The following SH3RF1 variants were observed in gnomAD, a reference collection of about 807,000 sequenced individuals.
SH3RF1 encodes E3 ubiquitin-protein ligase SH3RF1.
Under a neutral mutation model 74.0 loss-of-function variants are expected in SH3RF1, and 32 were observed. That is an observed-to-expected ratio of 0.43 (90% confidence interval 0.33 to 0.58). The LOEUF is 0.58. Among genes scored for constraint, SH3RF1 ranks in the 20% least tolerant of loss-of-function variants. The probability of loss-of-function intolerance (pLI) is 0.05; values close to 1 mark genes in which losing one functional copy is unlikely to be tolerated. For synonymous variants in SH3RF1, 396 were observed against 439.6 expected, an observed-to-expected ratio of 0.90 and a Z score of 1.24; for missense variants, 954 against 1,130.9, an observed-to-expected ratio of 0.84 and a Z score of 2.24.
At chr4:169,098,768 G>C (rs905245359) in intron 11 of SH3RF1, among the ~76,000 whole-genome samples, 2 of 152,210 alleles carry the variant, frequency 1.3e-5, no homozygotes. Context: ...AGGTCAGTTA[G>C]AGCAGCTTAA....
chr4:169,105,691 C>A (rs996915930), intron 11 of SH3RF1, among the ~76,000 whole-genome samples: 5 of 152,094 alleles, frequency 3.3e-5, no homozygotes, highest in African/African-American at 1.2e-4. Flanking sequence ...TTCAGGAGTT[C>A]AAGACTAGCC....
chr4:169,183,803 C>T (rs1049785326), intron 2 of SH3RF1, among the ~76,000 whole-genome samples: 2 of 150,278 alleles, frequency 1.3e-5, no homozygotes, highest in Non-Finnish European at 3.0e-5. Context: ...AAAAAAAAGT[C>T]AACAAGAAGC....
intron 4 of SH3RF1, among the ~76,000 whole-genome samples, chr4:169,148,834 C>T (rs1733932851): frequency 6.6e-6 from 1 of 152,126 alleles, no homozygotes; most frequent in Admixed American, 6.5e-5. Context: ...GCTTTCTATA[C>T]AGACAAAGAA....
At chr4:169,160,179 A>T (rs946705943) in intron 2 of SH3RF1, among the ~76,000 whole-genome samples, 1 of 152,194 alleles carries the variant, frequency 6.6e-6, no homozygotes, top group African/African-American at 2.4e-5. Flanking sequence ...CCCATGCACC[A>T]AGATACAGAT....
intron 2 of SH3RF1, among the ~76,000 whole-genome samples, chr4:169,160,979 T>C (rs1734141105): frequency 6.6e-6 from 1 of 152,216 alleles, no homozygotes; most frequent in Non-Finnish European, 1.5e-5. Flanking sequence ...CTGAGAGTCA[T>C]GTCATCACTG....
chr4:169,106,105 T>TTTATTA (rs1202874696), intron 11 of SH3RF1, among the ~76,000 whole-genome samples: 2 of 150,676 alleles, frequency 1.3e-5, no homozygotes, highest in Non-Finnish European at 3.0e-5. Context: ...TGTATATATA[T>TTTATTA]TTATTATTAT....
intron 2 of SH3RF1, among the ~76,000 whole-genome samples, chr4:169,214,811 C>CT (rs1366520130): frequency 6.6e-6 from 1 of 152,118 alleles, no homozygotes; most frequent in African/African-American, 2.4e-5. Context: ...TTGTATCCTT[C>CT]AACCTTGCTA....
chr4:169,255,266 C>G (rs1488684804), intron 2 of SH3RF1, among the ~76,000 whole-genome samples: 1 of 152,028 alleles, frequency 6.6e-6, no homozygotes, highest in Non-Finnish European at 1.5e-5. Context: ...AATAGAAACT[C>G]CATTAAAAAA....
chr4:169,199,926 T>C (rs1734881853), intron 2 of SH3RF1, among the ~76,000 whole-genome samples: 1 of 152,134 alleles, frequency 6.6e-6, no homozygotes, highest in Non-Finnish European at 1.5e-5. Flanking sequence ...AGCAGTATGC[T>C]CTTTATAAGA....
intron 10 of SH3RF1, among the ~76,000 whole-genome samples, chr4:169,109,366 C>T (rs1169524332): frequency 6.6e-6 from 1 of 152,220 alleles, no homozygotes; most frequent in Non-Finnish European, 1.5e-5. Context: ...AGAAAGATGA[C>T]TTAATTCATC....
intron 2 of SH3RF1, among the ~76,000 whole-genome samples, chr4:169,244,168 T>C (rs1730957345): frequency 6.6e-6 from 1 of 152,252 alleles, no homozygotes; most frequent in South Asian, 2.1e-4. Context: ...GACATTTATT[T>C]CAATCTGTCT....
intron 2 of SH3RF1, among the ~76,000 whole-genome samples, chr4:169,208,680 T>C (rs1008735797): frequency 3.3e-5 from 5 of 152,056 alleles, no homozygotes; most frequent in African/African-American, 1.2e-4. Flanking sequence ...ACATCTAGTC[T>C]GAAGCTGCAT....
intron 2 of SH3RF1, among the ~76,000 whole-genome samples, chr4:169,200,603 T>G (rs575952677): frequency 2.0e-5 from 3 of 152,328 alleles, no homozygotes; most frequent in South Asian, 4.1e-4. Context: ...AACTTACATA[T>G]ACCTTACATA....
At chr4:169,252,621 C>T (rs1004296228) in intron 2 of SH3RF1, among the ~76,000 whole-genome samples, 1 of 152,204 alleles carries the variant, frequency 6.6e-6, no homozygotes, top group Admixed American at 6.5e-5. Flanking sequence ...CAATTTTTGC[C>T]TCAATCTATC....
At chr4:169,219,258 A>T (rs1730522557) in intron 2 of SH3RF1, among the ~76,000 whole-genome samples, 1 of 152,166 alleles carries the variant, frequency 6.6e-6, no homozygotes. Context: ...GGCAACCCTA[A>T]ATCATCAGGA....
chr4:169,147,467 G>A (rs1733912389), intron 4 of SH3RF1, among the ~76,000 whole-genome samples: 1 of 152,186 alleles, frequency 6.6e-6, no homozygotes, highest in Non-Finnish European at 1.5e-5. Flanking sequence ...ACGTGTGGAT[G>A]TGCATGGGGG....
At chr4:169,112,843 C>T (rs72706430) in intron 10 of SH3RF1, among the ~76,000 whole-genome samples, 14,535 of 152,154 alleles carry the variant, frequency 0.096, 916 homozygotes, top group South Asian at 0.17. Context: ...GACACAGACC[C>T]GCTGTGGAGG....
At chr4:169,269,473 T>C (rs187278087) in intron 1 of SH3RF1, among the ~76,000 whole-genome samples, 166 bp from the exon 2 acceptor site, 1 of 152,266 alleles carries the variant, frequency 6.6e-6, no homozygotes, top group East Asian at 1.9e-4. Flanking sequence ...AGTCAACAAC[T>C]GAAAACAAAA....
intron 2 of SH3RF1, chr4:169,166,967 C>T (rs557736092): frequency 4.9e-5 from 11 of 223,138 alleles, no homozygotes; most frequent in African/African-American, 1.4e-4. Context: ...ATCTTCGACA[C>T]GGAAAAAGAG....
Sources: gnomAD v4.1 joint callset for allele counts (sites outside exome capture counted in the v4.1 genomes callset) on GRCh38, gnomAD v4.1.1 for gene constraint, MANE v1.5 for transcripts, NCBI Gene and HGNC (gene_info 2026-07-23, HGNC 2026-07-21) for gene names.